PARD3B: variants seen among roughly 807,000 people sequenced by gnomAD.
The protein encoded by PARD3B is par-3 family cell polarity regulator beta.
Under a neutral mutation model 130.2 loss-of-function variants are expected in PARD3B, and 103 were observed. The ratio of observed to expected loss-of-function variants is 0.79; its 90% confidence interval spans 0.67 to 0.93. The LOEUF (loss-of-function observed/expected upper bound fraction) is 0.93. PARD3B is among the 40% of genes least tolerant of loss of function. The pLI, the probability that PARD3B is intolerant of heterozygous loss-of-function variation, is 0.00. For missense variants in PARD3B, 1,609 were observed against 1,499.2 expected (o/e 1.07, Z -1.21); for synonymous variants, 583 against 553.2 (o/e 1.05, Z -0.76).
At chr2:204,805,792 A>G (rs907278194) in intron 2 of PARD3B, among the ~76,000 whole-genome samples, 1 of 152,046 alleles carries the variant, frequency 6.6e-6, no homozygotes, top group Non-Finnish European at 1.5e-5. Context: ...ACATTATACT[A>G]GGAGAATGAA....
At chr2:204,582,847 A>T (rs538695980) in intron 1 of PARD3B, among the ~76,000 whole-genome samples, 35 of 152,330 alleles carry the variant, frequency 2.3e-4, no homozygotes, top group Non-Finnish European at 4.4e-4. Flanking sequence ...ATGGTATCTC[A>T]TAGTGGTTTT....
In PARD3B at chr2:205,366,918, C is replaced by T. The variant is rs2044631102; in HGVS notation, c.2631-34095C>T. Among the ~76,000 whole-genome samples the T allele has an allele frequency of 6.6e-6, 1 of 152,176 alleles. No homozygotes were observed. The highest frequency in any genetic ancestry group is 1.5e-5 in the Non-Finnish European group (1 of 68,034). On this transcript the variant is annotated intron_variant, in intron 18 of 22. Transcript: ENST00000406610. The surrounding 1 kb of genome is among the most constrained non-coding windows in gnomAD (Gnocchi z 5.0). ...CACAGATGTCCTAAGGGAGCGGAAG[C>T]TGAATCATCACACTTAGGTCTGGGA... is the stretch of plus-strand genomic sequence containing the variant.
chr2:205,040,877 A>C (rs543464215), intron 3 of PARD3B, among the ~76,000 whole-genome samples: 35 of 152,200 alleles, frequency 2.3e-4, no homozygotes, highest in African/African-American at 8.4e-4. Context: ...CTTAGGGCAA[A>C]GGAAAATCGA....
At position 205,146,173 on chromosome 2, in the gene PARD3B, T is replaced by C. The variant is rs933436800; in HGVS notation, c.1435-12549T>C. Among the ~76,000 whole-genome samples, 9 of 152,312 alleles carry C rather than the reference T, an allele frequency of 5.9e-5. No individual in the cohort carries two copies. The South Asian group carries it at 1.7e-3, about 28-fold the overall frequency. On this transcript the variant is annotated intron_variant, in intron 10 of 22. Transcript: ENST00000406610. This position sits in a 1 kb window ranked among gnomAD's most constrained non-coding sequence, Gnocchi z 4.3. ...CACTTTAATGAGATGCTCTGTACTGTCATTTATGTTTCATTCTTGTCCTTG... is the reference window on the plus strand; with the variant it reads ...CACTTTAATGAGATGCTCTGTACTGCCATTTATGTTTCATTCTTGTCCTTG...
intron 11 of PARD3B, among the ~76,000 whole-genome samples, chr2:205,162,885 T>G (rs2034587237): frequency 1.3e-5 from 2 of 152,206 alleles, no homozygotes; most frequent in Non-Finnish European, 2.9e-5. Context: ...TTGCTAAACA[T>G]TTTAAATTCA....
chr2:204,873,030 T>C (rs1391729288), intron 2 of PARD3B, among the ~76,000 whole-genome samples: 1 of 152,190 alleles, frequency 6.6e-6, no homozygotes, highest in African/African-American at 2.4e-5. Context: ...ATTTTACTAA[T>C]CTAGCTATTA....
At position 204,545,989 on chromosome 2, in the gene PARD3B, C is replaced by G. The variant is rs2029897087; in HGVS notation, c.-11C>G. On this transcript the variant is annotated 5_prime_UTR_variant, in exon 1 of 23. Coordinates refer to ENST00000406610, the MANE Select transcript of PARD3B (RefSeq NM_001302769.2). ...GTTCGGCCCGGCCCGGCGTGGTCGCCGGGGGCCAGGATGAAAGTGACCGTG... is the reference window on the plus strand; with the variant it reads ...GTTCGGCCCGGCCCGGCGTGGTCGCGGGGGGCCAGGATGAAAGTGACCGTG... The G allele has an allele frequency of 1.9e-6, 3 of 1,555,052 alleles. No individual in the cohort carries two copies. The highest frequency in any genetic ancestry group is 2.6e-6 in the Non-Finnish European group (3 of 1,149,862).
At chr2:204,854,387 T>G (rs1559200726) in intron 2 of PARD3B, among the ~76,000 whole-genome samples, 1 of 152,016 alleles carries the variant, frequency 6.6e-6, no homozygotes, top group East Asian at 1.9e-4. Context: ...AAGACAAGGA[T>G]TTTCCTGAGA....
At chr2:204,845,523 C>G (rs1003679139) in intron 2 of PARD3B, among the ~76,000 whole-genome samples, 1 of 151,918 alleles carries the variant, frequency 6.6e-6, no homozygotes, top group African/African-American at 2.4e-5. Context: ...GGTGGTAACA[C>G]CTTTTAAAAA....
At chr2:205,207,184 A>C (rs1367722987) in intron 15 of PARD3B, among the ~76,000 whole-genome samples, 8 of 140,504 alleles carry the variant, frequency 5.7e-5, no homozygotes, top group East Asian at 4.0e-4. Context: ...ACAAAGACAC[A>C]ACATACCAGA....
At chr2:205,319,948 G>C (rs1293069995) in intron 18 of PARD3B, among the ~76,000 whole-genome samples, 4 of 152,030 alleles carry the variant, frequency 2.6e-5, no homozygotes, top group Non-Finnish European at 1.5e-5. Context: ...AGAGGCCAAG[G>C]CGGGCAGATC....
intron 21 of PARD3B, among the ~76,000 whole-genome samples, chr2:205,507,192 C>A (rs1188054062): frequency 3.5e-5 from 2 of 57,546 alleles, no homozygotes; most frequent in Non-Finnish European, 7.7e-5. Flanking sequence ...CAGACAGGTG[C>A]AGTATTTTTT....
At chr2:204,908,378 G>T (rs1478847618) in intron 2 of PARD3B, among the ~76,000 whole-genome samples, 1 of 152,170 alleles carries the variant, frequency 6.6e-6, no homozygotes, top group East Asian at 1.9e-4. Flanking sequence ...GGAAGTGGAA[G>T]AAATTGAACC....
At chr2:204,753,247 T>G (rs1011820596) in intron 2 of PARD3B, among the ~76,000 whole-genome samples, 3 of 152,170 alleles carry the variant, frequency 2.0e-5, no homozygotes, top group African/African-American at 7.2e-5. Context: ...TAGTCATGTT[T>G]TTGTTGCTTA....
intron 15 of PARD3B, among the ~76,000 whole-genome samples, chr2:205,238,884 G>A (rs866581842): frequency 1.3e-3 from 100 of 75,172 alleles, no homozygotes; most frequent in Non-Finnish European, 1.8e-3. Flanking sequence ...ATATGTATGT[G>A]TGTATATATA....
intron 3 of PARD3B, 36 bp downstream of exon 3, chr2:204,965,359 C>CGGATCTTCAGTCAGG: frequency 6.3e-7 from 1 of 1,587,282 alleles, no homozygotes; most frequent in Non-Finnish European, 8.6e-7. Flanking sequence ...TTTCACCTGA[C>CGGATCTTCAGTCAGG]TGAAGATCCG....
At chr2:205,147,986 C>T (rs575163372) in intron 10 of PARD3B, among the ~76,000 whole-genome samples, 1 of 152,134 alleles carries the variant, frequency 6.6e-6, no homozygotes, top group East Asian at 1.9e-4. Context: ...TAGGGCTATA[C>T]AGACAATACA....
chr2:204,693,274 A>G (rs1278018343), intron 2 of PARD3B, among the ~76,000 whole-genome samples: 1 of 152,054 alleles, frequency 6.6e-6, no homozygotes, highest in Non-Finnish European at 1.5e-5. Context: ...ATTTCAGGCC[A>G]AGGTTACTGT....
chr2:204,751,457 C>G (rs1415953465), intron 2 of PARD3B, among the ~76,000 whole-genome samples: 1 of 152,190 alleles, frequency 6.6e-6, no homozygotes, highest in Non-Finnish European at 1.5e-5. Context: ...GTACACACTG[C>G]CTTTTGGGCA....
Sources: allele counts gnomAD v4.1 joint callset (sites outside exome capture counted in the v4.1 genomes callset), GRCh38; gene constraint gnomAD v4.1.1; non-coding constraint Gnocchi (gnomAD v3.1); transcripts MANE v1.5; gene names NCBI Gene and HGNC (gene_info 2026-07-23, HGNC 2026-07-21).